UBAP2L: variants seen among roughly 807,000 people sequenced by gnomAD.
The protein encoded by UBAP2L is ubiquitin associated protein 2 like, also known as ubiquitin-associated protein 2-like.
UBAP2L carries 12 observed loss-of-function variants against 130.6 expected under a neutral mutation model. The observed-to-expected ratio is 0.09, with a 90% confidence interval of 0.06 to 0.15. The LOEUF (loss-of-function observed/expected upper bound fraction) is 0.15, where lower values mean the gene tolerates loss of function less well. UBAP2L is among the 10% of genes least tolerant of loss of function. UBAP2L has a pLI of 1.00. For missense variants in UBAP2L, 965 were observed against 1,332.5 expected (o/e 0.72, Z 4.29); for synonymous variants, 503 against 524.7 (o/e 0.96, Z 0.57).
At chr1:154,227,555 G>T (rs41305090) in intron 3 of UBAP2L, among the ~76,000 whole-genome samples, 196 bp downstream of exon 3, 14,399 of 147,006 alleles carry the variant, frequency 0.098, 1,189 homozygotes, top group East Asian at 0.43. Context: ...TTTGTTTTTT[G>T]TTTTTTTTTC....
rs769850791 is a variant in UBAP2L, at chr1:154,251,593, C to T, written c.1604C>T (p.Thr535Ile). Residue 535 changes from threonine (T) to isoleucine (I), a missense_variant, in exon 14 of 27, where the codon ACC becomes ATC. Physicochemically the swap from Thr to Ile is moderately conservative, Grantham distance 89. Coordinates refer to ENST00000428931, the MANE Select transcript of UBAP2L (RefSeq NM_014847.4). ...CCTGTCCTTTCTGATTATGAGTCCA[C>T]CCCCACCACGAGCGCCTCTTCAAGC... The part of the protein sequence containing the change: ...SEPVLSDYES[T>I]PTTSASSSQA... 9 of 1,613,952 alleles carry T rather than the reference C, an allele frequency of 5.6e-6. No homozygotes were observed. Among genetic ancestry groups the T allele is most frequent in the Non-Finnish European group, 7.6e-6 (9 of 1,180,038 alleles).
rs538041334 is a variant in UBAP2L, at chr1:154,247,691, T to C, written c.1014+1316T>C. On this transcript the variant is annotated intron_variant, in intron 11 of 26. Coordinates refer to ENST00000428931, the MANE Select transcript of UBAP2L (RefSeq NM_014847.4). ...CTATAGTGAGCTTTGAGCTCACCAC[T>C]GTACTCCAGCCTGGGTGACAGAATG... 3.3e-5 allele frequency among the ~76,000 whole-genome samples: 5 copies of C among 152,314 alleles called. No individual in the cohort carries two copies. The East Asian group carries it at 9.6e-4, about 29-fold the overall frequency.
At position 154,242,150 on chromosome 1, in the gene UBAP2L, C is replaced by G. The variant is rs544950595; in HGVS notation, c.756+585C>G. On this transcript the variant is annotated intron_variant, in intron 9 of 26. Transcript: ENST00000428931. ...TAGATGGGTGGCACGTAAACAAGCT[C>G]TGTGAATTCATTTGAGTACTACCTG... 3.9e-5 allele frequency among the ~76,000 whole-genome samples: 6 copies of G among 152,344 alleles called. No homozygotes were observed. The East Asian group carries it at 9.6e-4, about 24-fold the overall frequency.
At chr1:154,248,016 G>A (rs1676155415) in intron 11 of UBAP2L, among the ~76,000 whole-genome samples, 1 of 150,878 alleles carries the variant, frequency 6.6e-6, no homozygotes, top group Admixed American at 6.7e-5. Context: ...TGCCTAGGCT[G>A]GAGTGCAATG....
Position 154,244,962 on chromosome 1 carries a change from C to T in UBAP2L, c.843-1242C>T, listed in dbSNP as rs1359061372. ...GGTCTCTTTTTTTGAGACAGAGTCT[C>T]ACTCTGTTGCCCAGGCTGGAGGGCA... On this transcript the variant is annotated intron_variant, in intron 10 of 26. Coordinates refer to ENST00000428931, the MANE Select transcript of UBAP2L (RefSeq NM_014847.4). Among the ~76,000 whole-genome samples the T allele has an allele frequency of 3.3e-5, 5 of 149,964 alleles. No homozygotes were observed. In the South Asian group the frequency reaches 1.0e-3, roughly 31 times the overall value.
intron 8 of UBAP2L, among the ~76,000 whole-genome samples, chr1:154,237,899 C>A (rs528133508): frequency 6.6e-6 from 1 of 152,306 alleles, no homozygotes; most frequent in East Asian, 1.9e-4. Flanking sequence ...GTGCCACTTT[C>A]AATAAGAGCA....
Position 154,270,211 on chromosome 1 carries a change from G to A in UBAP2L, c.3180G>A (p.Gly1060=). 3 of 1,601,248 alleles carry A rather than the reference G, an allele frequency of 1.9e-6. No individual in the cohort carries two copies. The highest frequency in any genetic ancestry group is 2.6e-6 in the Non-Finnish European group (3 of 1,171,832). The change falls in exon 27 of 27, where the codon GGG becomes GGA. Residue 1060 remains glycine (G), a synonymous_variant. Transcript: ENST00000428931. ...HLQQDGQTGS[G]QRSQTSSIPQ... ...CCATTCCCCTGCAGACGGGCAGCGG[G>A]CAACGTAGCCAGACCAGCTCCATCC... is the stretch of plus-strand genomic sequence containing the variant.
rs555559553 is a variant in UBAP2L, at chr1:154,234,825, G to A, written c.448+66G>A. ...ATGTCTAGACTCTAGGGATGTGCCAGGGCCCTGCTAGTCAGGACCTAGGAA... is the reference window on the plus strand; with the variant it reads ...ATGTCTAGACTCTAGGGATGTGCCAAGGCCCTGCTAGTCAGGACCTAGGAA... On this transcript the variant is annotated intron_variant, in intron 5 of 26. Transcript: ENST00000428931. 24 of 1,545,048 alleles carry A rather than the reference G, an allele frequency of 1.6e-5. No individual in the cohort carries two copies. The East Asian group carries it at 5.1e-4, about 33-fold the overall frequency.
At chr1:154,266,766 C>T (rs934658979) in intron 25 of UBAP2L, among the ~76,000 whole-genome samples, 198 bp downstream of exon 25, 5 of 152,086 alleles carry the variant, frequency 3.3e-5, no homozygotes, top group East Asian at 3.8e-4. Context: ...AGAAAAAAAA[C>T]GAGAAACGTA....
At chr1:154,253,130 A>T (rs922592615) in intron 14 of UBAP2L, among the ~76,000 whole-genome samples, 1 of 151,890 alleles carries the variant, frequency 6.6e-6, no homozygotes, top group African/African-American at 2.4e-5. Flanking sequence ...CAGCCTCCTG[A>T]GTAGCTGGGA....
intron 8 of UBAP2L, 83 bp downstream of exon 8, chr1:154,237,219 G>A (rs1671971766): frequency 8.0e-7 from 1 of 1,252,302 alleles, no homozygotes; most frequent in African/African-American, 1.5e-5. Context: ...ATTAAAACGT[G>A]GAAGAATAGT....
intron 2 of UBAP2L, among the ~76,000 whole-genome samples, chr1:154,225,460 T>C (rs1241157017): frequency 3.3e-5 from 5 of 152,080 alleles, no homozygotes; most frequent in Non-Finnish European, 7.4e-5. Flanking sequence ...GGTCCTGTGC[T>C]TTTTATCTTT....
chr1:154,260,325 T>A (rs1435784305), intron 22 of UBAP2L, among the ~76,000 whole-genome samples: 1 of 152,144 alleles, frequency 6.6e-6, no homozygotes, highest in Non-Finnish European at 1.5e-5. Flanking sequence ...CTGGGCAACA[T>A]AGCAAGACCC....
chr1:154,268,518 C>T (rs907018287), intron 25 of UBAP2L, among the ~76,000 whole-genome samples: 4 of 152,172 alleles, frequency 2.6e-5, no homozygotes, highest in Non-Finnish European at 1.5e-5. Flanking sequence ...AGGTTTGTAG[C>T]ATCCCTGTTT....
chr1:154,254,720 T>C lies in UBAP2L; in HGVS notation c.1855-116T>C, dbSNP rs1679033214. ...ATTAATATTAATCCTTTTGGTTAAT[T>C]TACAGAGTTTCTCCTAAAGATTTGT... On this transcript the variant is annotated intron_variant, in intron 15 of 26. Transcript: ENST00000428931. 5.3e-6 allele frequency: 6 copies of C among 1,129,050 alleles called. No individual in the cohort carries two copies. The Admixed American group carries it at 1.4e-4, about 27-fold the overall frequency. 69.9% of individuals were successfully genotyped at this position (1,129,050 alleles called of 1,614,324 possible). A position where few individuals can be genotyped will look rare whatever the true frequency, so the allele number is the denominator to read the frequency against.
At chr1:154,224,075 T>C (rs1450106919) in intron 1 of UBAP2L, among the ~76,000 whole-genome samples, 1 of 152,236 alleles carries the variant, frequency 6.6e-6, no homozygotes, top group East Asian at 1.9e-4. Flanking sequence ...AAGTATGAAC[T>C]AAAGGAACTT....
In UBAP2L at chr1:154,254,108, C is replaced by G; in HGVS notation, c.1854+19C>G. 1 of 1,504,172 alleles carries G rather than the reference C, an allele frequency of 6.6e-7. No individual in the cohort carries two copies. The highest frequency in any genetic ancestry group is 1.4e-5 in the African/African-American group (1 of 69,808). The allele number at this position is 1,504,172 out of a possible 1,614,324, so 93.2% of individuals were successfully genotyped here. ...GGCAAAGGTAGTGGCTTCATGAACC[C>G]TTGGGAATTGGTTAGGAGAATAGTG... On this transcript the variant is annotated intron_variant, in intron 15 of 26. Coordinates refer to ENST00000428931, the MANE Select transcript of UBAP2L (RefSeq NM_014847.4).
intron 3 of UBAP2L, 52 bp from the exon 4 acceptor site, chr1:154,228,563 G>A: frequency 2.2e-6 from 3 of 1,351,428 alleles, no homozygotes; most frequent in Non-Finnish European, 3.1e-6. Flanking sequence ...TCCTTTCATT[G>A]GGAGTGTGAG....
At chr1:154,246,815 A>G (rs1001333143) in intron 11 of UBAP2L, among the ~76,000 whole-genome samples, 5 of 152,174 alleles carry the variant, frequency 3.3e-5, no homozygotes, top group Admixed American at 2.6e-4. Context: ...CCAGAAACCT[A>G]TGGTCTTCCC....
Sources: allele counts gnomAD v4.1 joint callset (sites outside exome capture counted in the v4.1 genomes callset), GRCh38; gene constraint gnomAD v4.1.1; transcripts MANE v1.5; gene names NCBI Gene and HGNC (gene_info 2026-07-23, HGNC 2026-07-21).